Variants in EXOSC1 observed in about 807,000 individuals in gnomAD.
The protein encoded by EXOSC1 is exosome complex component CSL4.
EXOSC1 carries 27 observed loss-of-function variants against 31.4 expected under a neutral mutation model. The ratio of observed to expected loss-of-function variants is 0.86; its 90% CI spans 0.63 to 1.18. The LOEUF (loss-of-function observed/expected upper bound fraction) is 1.18, where lower values mean the gene tolerates loss of function less well. Among genes scored for constraint, EXOSC1 ranks in the 50% most tolerant of loss-of-function variants. EXOSC1 has a pLI of 0.00. For missense variants in EXOSC1, 228 were observed against 250.3 expected, an observed-to-expected ratio of 0.91 and a Z score of 0.60; for synonymous variants, 84 against 89.5, an observed-to-expected ratio of 0.94 and a Z score of 0.35.
intron 2 of EXOSC1, chr10:97,445,164 G>A (rs1272487045): frequency 1.3e-5 from 2 of 152,482 alleles, no homozygotes; most frequent in Non-Finnish European, 2.9e-5. Context: ...TGAGGTGATA[G>A]TAGAGAAGCT....
In EXOSC1 at chr10:97,445,713, G is replaced by T. The variant is rs776965625; in HGVS notation, c.147+19C>A. On this transcript the variant is annotated intron_variant, in intron 2 of 7. Coordinates refer to ENST00000370902, the MANE Select transcript of EXOSC1 (RefSeq NM_016046.5). ...CCTAAGGGAAAAACAGAGGGGAGATGGCATGCCGCTTCCTTTACCGCGCCA... is the reference window on the plus strand; with the variant it reads ...CCTAAGGGAAAAACAGAGGGGAGATTGCATGCCGCTTCCTTTACCGCGCCA... The T allele has an allele frequency of 6.2e-7, 1 of 1,610,036 alleles. No homozygotes were observed. The highest frequency in any genetic ancestry group is 8.5e-7 in the Non-Finnish European group (1 of 1,176,940).
At chr10:97,443,607 C>T (rs1054942952) in intron 2 of EXOSC1, among the ~76,000 whole-genome samples, 1 of 152,106 alleles carries the variant, frequency 6.6e-6, no homozygotes, top group East Asian at 1.9e-4. Context: ...ACTGCAAGGT[C>T]CACTTCCCGG....
chr10:97,445,695 G>C (rs372900254), intron 2 of EXOSC1, 37 bp downstream of exon 2: 288 of 1,599,968 alleles, frequency 1.8e-4, no homozygotes, highest in Non-Finnish European at 2.4e-4. Context: ...CAGCCTAAGG[G>C]AAAAACAGAG....
At chr10:97,445,892 A>G in intron 1 of EXOSC1, 45 bp from the exon 2 acceptor site, 1 of 1,612,884 alleles carries the variant, frequency 6.2e-7, no homozygotes, top group Non-Finnish European at 8.5e-7. Context: ...CAGAAGCTGT[A>G]GGCCGTTTAG....
chr10:97,443,543 G>A (rs1469981207), intron 2 of EXOSC1, among the ~76,000 whole-genome samples: 1 of 152,196 alleles, frequency 6.6e-6, no homozygotes, highest in Non-Finnish European at 1.5e-5. Flanking sequence ...TGTTGTTGGA[G>A]ACGGAGTCTT....
chr10:97,442,458 A>G (rs1343043883), intron 3 of EXOSC1, among the ~76,000 whole-genome samples: 1 of 152,220 alleles, frequency 6.6e-6, no homozygotes. Flanking sequence ...CAGTATAGCA[A>G]CCACTAGCCA....
chr10:97,440,204 T>C (rs1845672117), intron 4 of EXOSC1, among the ~76,000 whole-genome samples: 1 of 152,148 alleles, frequency 6.6e-6, no homozygotes, highest in Admixed American at 6.5e-5. Context: ...ACTCCCGACC[T>C]CAGGTGATCC....
intron 6 of EXOSC1, 54 bp from the exon 7 acceptor site, chr10:97,437,329 C>T: frequency 7.2e-7 from 1 of 1,393,822 alleles, no homozygotes; most frequent in Admixed American, 1.9e-5. Flanking sequence ...CTTCCCCCAC[C>T]TTAGCCACCT....
chr10:97,437,411 C>T (rs200628663), intron 6 of EXOSC1, 136 bp from the exon 7 acceptor site: 5 of 682,260 alleles, frequency 7.3e-6, no homozygotes, highest in Admixed American at 5.1e-5. Flanking sequence ...AGTGCGGTGG[C>T]GTGATATCAG....
intron 2 of EXOSC1, chr10:97,444,847 TC>T (rs1203647843): frequency 2.6e-5 from 4 of 152,224 alleles, no homozygotes; most frequent in African/African-American, 7.2e-5. Context: ...GCTTATATGA[TC>T]CTGAGCTAAT....
Position 97,438,224 on chromosome 10 carries a change from C to CT in EXOSC1, c.345+445dup, listed in dbSNP as rs533867680. Among the ~76,000 whole-genome samples the CT allele has an allele frequency of 4.9e-3, 740 of 150,198 alleles. 4 individuals are homozygous for CT. Among genetic ancestry groups the CT allele is most frequent in the Middle Eastern group, 0.024 (7 of 294 alleles). ...GATCCACTGCACCCGGCCCTTTTTT[C>CT]TTTTTTTTTAAGAGGTGGGATCCCA... On this transcript the variant is annotated intron_variant, in intron 5 of 7. Coordinates refer to ENST00000370902, the MANE Select transcript of EXOSC1 (RefSeq NM_016046.5).
chr10:97,438,785 C>T, intron 4 of EXOSC1, 82 bp from the exon 5 acceptor site: 1 of 1,130,530 alleles, frequency 8.8e-7, no homozygotes, highest in African/African-American at 1.6e-5. Context: ...CAGAGTCTCC[C>T]TCTGTCACCC....
chr10:97,441,077 T>C (rs1845698874), intron 4 of EXOSC1, 94 bp downstream of exon 4: 4 of 998,346 alleles, frequency 4.0e-6, no homozygotes, highest in South Asian at 3.1e-5. Flanking sequence ...AAAAGAAAAA[T>C]AGGAATTGTA....
intron 2 of EXOSC1, chr10:97,444,938 T>C (rs1845865217): frequency 6.6e-6 from 1 of 152,240 alleles, no homozygotes; most frequent in Admixed American, 6.5e-5. Flanking sequence ...TTGTGCTATA[T>C]ACGGATGGTA....
intron 2 of EXOSC1, among the ~76,000 whole-genome samples, chr10:97,443,527 T>C (rs903651042): frequency 1.3e-5 from 2 of 152,174 alleles, no homozygotes; most frequent in Non-Finnish European, 2.9e-5. Flanking sequence ...TCTAAACTTC[T>C]TTTTTTGTTG....
intron 2 of EXOSC1, chr10:97,444,618 C>T (rs1845839701): frequency 1.3e-5 from 2 of 152,210 alleles, no homozygotes; most frequent in African/African-American, 2.4e-5. Context: ...ATAGCAGAAA[C>T]CAAGTCAGCG....
At chr10:97,437,317 G>T in intron 6 of EXOSC1, 42 bp from the exon 7 acceptor site, 1 of 1,498,038 alleles carries the variant, frequency 6.7e-7, no homozygotes, top group Non-Finnish European at 9.3e-7. Flanking sequence ...GGAGTTAGAA[G>T]TCTTCCCCCA....
intron 2 of EXOSC1, chr10:97,445,296 G>A (rs2133165084): frequency 1.2e-5 from 2 of 163,834 alleles, no homozygotes; most frequent in Middle Eastern, 6.2e-3. Flanking sequence ...AAAGAAGCTA[G>A]TATGTTATAA....
At chr10:97,442,861 G>A (rs912603316) in intron 3 of EXOSC1, among the ~76,000 whole-genome samples, 5 of 151,948 alleles carry the variant, frequency 3.3e-5, no homozygotes, top group African/African-American at 1.2e-4. Context: ...TTGTATTTTT[G>A]GTAGAGACAG....
Sources: allele counts gnomAD v4.1 joint callset (sites outside exome capture counted in the v4.1 genomes callset), GRCh38; gene constraint gnomAD v4.1.1; transcripts MANE v1.5; gene names NCBI Gene and HGNC (gene_info 2026-07-23, HGNC 2026-07-21).